The following CSMD1 variants were observed in gnomAD, a reference collection of about 807,000 sequenced individuals.
CSMD1 encodes the protein CUB and Sushi multiple domains 1.
In CSMD1, 213 loss-of-function variants were observed where a neutral mutation model predicts 417.5. That is an observed-to-expected ratio of 0.51 (90% CI 0.46 to 0.57). The LOEUF is 0.57. CSMD1 is among the 20% of genes least tolerant of loss of function. The probability of loss-of-function intolerance (pLI) is 0.00; values close to 1 mark genes in which losing one functional copy is unlikely to be tolerated. For synonymous variants in CSMD1, 2,862 were observed against 1,736.8 expected (o/e 1.65, Z -16.11); for missense variants, 6,923 against 4,529.7 (o/e 1.53, Z -15.17).
rs1554525004 is a variant in CSMD1, at chr8:3,733,205, A to ACACACACACACT, written c.931+20724_931+20725insAGTGTGTGTGTG. ...CACACACACACACACACACACACAC[A>ACACACACACACT]CTCTCTCTCTCTCATACATACACAT... On this transcript the variant is annotated intron_variant, in intron 6 of 69. Coordinates refer to ENST00000635120, the MANE Select transcript of CSMD1 (RefSeq NM_033225.6). Among the ~76,000 whole-genome samples, 231 of 87,048 alleles carry ACACACACACACT rather than the reference A, an allele frequency of 2.7e-3. 2 individuals carry two copies. In the East Asian group the frequency reaches 0.038, roughly 14 times the overall value. 57.1% of individuals were successfully genotyped at this position (87,048 alleles called of 152,430 possible).
At chr8:3,666,658 C>T (rs1032409713) in intron 7 of CSMD1, among the ~76,000 whole-genome samples, 3 of 152,088 alleles carry the variant, frequency 2.0e-5, no homozygotes, top group Admixed American at 6.6e-5. Context: ...GGCAGTTTCC[C>T]CCATACTGTT....
intron 33 of CSMD1, among the ~76,000 whole-genome samples, chr8:3,192,371 G>T (rs116746195): frequency 6.6e-6 from 1 of 152,246 alleles, no homozygotes; most frequent in African/African-American, 2.4e-5. Flanking sequence ...TCTTAGGGAT[G>T]GGACCCAAGT....
chr8:3,198,822 C>T (rs987204228), intron 33 of CSMD1, among the ~76,000 whole-genome samples: 3 of 152,046 alleles, frequency 2.0e-5, no homozygotes, highest in Admixed American at 2.0e-4. Context: ...GGAAAGAAAC[C>T]ATTGCTAAGA....
chr8:3,575,086 A>G lies in CSMD1; in HGVS notation c.1223-20T>C, dbSNP rs1678551939. 1 of 1,610,576 alleles carries G rather than the reference A, an allele frequency of 6.2e-7. No individual in the cohort carries two copies. The highest frequency in any genetic ancestry group is 8.5e-7 in the Non-Finnish European group (1 of 1,178,300). ...TTCTCGCTGGAAACACATAGAAACG[A>G]CGTTATTTTCTACAACATTGTGTCA... On this transcript the variant is annotated intron_variant, in intron 9 of 69. Transcript: ENST00000635120.
At chr8:4,446,313 C>T (rs928361466) in intron 2 of CSMD1, among the ~76,000 whole-genome samples, 1 of 152,144 alleles carries the variant, frequency 6.6e-6, no homozygotes, top group Non-Finnish European at 1.5e-5. Flanking sequence ...TTTGGGAGCC[C>T]AGCATGGGTG....
At chr8:3,396,966 T>C (rs996322653) in intron 16 of CSMD1, among the ~76,000 whole-genome samples, 2 of 152,144 alleles carry the variant, frequency 1.3e-5, no homozygotes, top group African/African-American at 4.8e-5. Context: ...ATTTCAGACA[T>C]GAAAGGATAC....
intron 26 of CSMD1, among the ~76,000 whole-genome samples, chr8:3,266,329 G>T (rs1801427762): frequency 6.6e-6 from 1 of 151,790 alleles, no homozygotes; most frequent in Admixed American, 6.6e-5. Context: ...CACCCGGCCG[G>T]GCACAGTGGC....
At chr8:4,466,040 A>T (rs1325877011) in intron 2 of CSMD1, among the ~76,000 whole-genome samples, 1 of 152,232 alleles carries the variant, frequency 6.6e-6, no homozygotes, top group Non-Finnish European at 1.5e-5. Context: ...AATTACTTTT[A>T]TTACCATCCA....
intron 41 of CSMD1, among the ~76,000 whole-genome samples, chr8:3,135,759 A>C (rs1818044018): frequency 6.6e-6 from 1 of 152,178 alleles, no homozygotes; most frequent in Admixed American, 6.6e-5. Flanking sequence ...GTCTCTGTCC[A>C]CCTGGCCTCA....
chr8:4,136,199 A>G (rs1227893817), intron 3 of CSMD1, among the ~76,000 whole-genome samples: 2 of 152,210 alleles, frequency 1.3e-5, no homozygotes, highest in African/African-American at 4.8e-5. Context: ...CAGCTATGTG[A>G]ACACAAAAAT....
intron 3 of CSMD1, among the ~76,000 whole-genome samples, chr8:4,120,961 A>C (rs1400171265): frequency 6.6e-6 from 1 of 152,180 alleles, no homozygotes; most frequent in Non-Finnish European, 1.5e-5. Context: ...CTTTTCTTAC[A>C]TGGTCATGGA....
chr8:4,730,196 A>C (rs967513675), intron 1 of CSMD1, among the ~76,000 whole-genome samples: 2 of 152,114 alleles, frequency 1.3e-5, no homozygotes, highest in Admixed American at 1.3e-4. Context: ...GATGGAAAAG[A>C]GGGAGACAGA....
chr8:3,857,640 G>C (rs1001977262), intron 5 of CSMD1, among the ~76,000 whole-genome samples: 2 of 152,126 alleles, frequency 1.3e-5, no homozygotes, highest in African/African-American at 4.8e-5. Flanking sequence ...AGAGGGTGGG[G>C]ACACAGATGG....
intron 10 of CSMD1, among the ~76,000 whole-genome samples, chr8:3,501,528 A>G (rs929342903): frequency 2.0e-5 from 3 of 152,366 alleles, no homozygotes; most frequent in African/African-American, 7.2e-5. Context: ...AAGATAATTT[A>G]TAAATGCTTT....
At chr8:4,289,104 A>C (rs139206055) in intron 3 of CSMD1, among the ~76,000 whole-genome samples, 1 of 152,202 alleles carries the variant, frequency 6.6e-6, no homozygotes, top group African/African-American at 2.4e-5. Flanking sequence ...ACAGCAAAAG[A>C]AAAATTTTAC....
chr8:3,070,309 C>CT (rs1813247457), intron 49 of CSMD1, among the ~76,000 whole-genome samples: 7 of 152,324 alleles, frequency 4.6e-5, no homozygotes, highest in Admixed American at 3.9e-4. Flanking sequence ...TCTGAAAAAG[C>CT]TTTTTTCTTC....
At chr8:4,655,580 T>G (rs1804181378) in intron 1 of CSMD1, among the ~76,000 whole-genome samples, 1 of 152,086 alleles carries the variant, frequency 6.6e-6, no homozygotes, top group South Asian at 2.1e-4. Flanking sequence ...AATTACTTAT[T>G]TTTCAAAAAA....
At chr8:3,082,621 G>C (rs558570627) in intron 49 of CSMD1, among the ~76,000 whole-genome samples, 2 of 152,298 alleles carry the variant, frequency 1.3e-5, no homozygotes, top group African/African-American at 4.8e-5. Context: ...AGTCTGAATT[G>C]AAAAGAAAAC....
rs1797363253 is a variant in CSMD1 at position 4,423,428 on chromosome 8, A to C, written c.303-3363T>G. On this transcript the variant is annotated intron_variant, in intron 2 of 69. Transcript: ENST00000635120. ...CTACATACTAGCAATGAACACGTTG[A>C]CATCAAAATCTGAAATACATCAATC... is the stretch of plus-strand genomic sequence containing the variant. Among the ~76,000 whole-genome samples the C allele has an allele frequency of 3.3e-5, 5 of 152,232 alleles. No homozygotes were observed. The South Asian group carries it at 1.0e-3, about 32-fold the overall frequency.
Sources: allele counts gnomAD v4.1 joint callset (sites outside exome capture counted in the v4.1 genomes callset), GRCh38; gene constraint gnomAD v4.1.1; transcripts MANE v1.5; gene names NCBI Gene and HGNC (gene_info 2026-07-23, HGNC 2026-07-21).